The following MAS1 variants were observed in gnomAD, a reference collection of about 807,000 sequenced individuals.
MAS1 encodes proto-oncogene Mas.
For synonymous variants in MAS1, 163 were observed against 164.2 expected (o/e 0.99, Z 0.05); for missense variants, 387 against 409.7 (o/e 0.94, Z 0.48).
chr6:159,891,717 C>A (rs1782700965), intron 1 of MAS1, among the ~76,000 whole-genome samples: 1 of 152,194 alleles, frequency 6.6e-6, no homozygotes, highest in Admixed American at 6.5e-5. Context: ...TAAAAGGAAT[C>A]TCCTGCCCAG....
In MAS1 at chr6:159,906,777, T is replaced by G. The variant is rs1000176833; in HGVS notation, c.-36-143T>G. On this transcript the variant is annotated intron_variant, in intron 2 of 2. Coordinates refer to ENST00000674077, the MANE Select transcript of MAS1 (RefSeq NM_002377.4). ...GGTCCTAAAGGCCTAATCTTATCAT[T>G]GTGACAAAGATAACTGTAGAGTCTG... The G allele has an allele frequency of 1.6e-5, 10 of 638,512 alleles. No individual in the cohort carries two copies. In the East Asian group the frequency reaches 2.6e-4, roughly 16 times the overall value. 39.6% of individuals were successfully genotyped at this position (638,512 alleles called of 1,614,324 possible). A position where few individuals can be genotyped will look rare whatever the true frequency, so the allele number is the denominator to read the frequency against.
Position 159,910,216 on chromosome 6 carries a change from T to C in MAS1, c.*2283T>C, listed in dbSNP as rs1459612127. On this transcript the variant is annotated 3_prime_UTR_variant, in exon 3 of 3. Transcript: ENST00000674077. ...AACTGAACGGGAAGGGTTTGTAGCATTCCTACTACAAAGATTCATGCACAG... is the reference window on the plus strand; with the variant it reads ...AACTGAACGGGAAGGGTTTGTAGCACTCCTACTACAAAGATTCATGCACAG... 1 of 152,238 alleles carries C rather than the reference T, an allele frequency of 6.6e-6. No homozygotes were observed. The allele number at this position is 152,238 out of a possible 1,614,324, so 9.4% of individuals were successfully genotyped here. A position where few individuals can be genotyped will look rare whatever the true frequency, so the allele number is the denominator to read the frequency against.
upstream of MAS1, among the ~76,000 whole-genome samples, chr6:159,890,330 G>T (rs1403727745): frequency 6.6e-6 from 1 of 152,210 alleles, no homozygotes; most frequent in East Asian, 1.9e-4. Context: ...GACTGCACGG[G>T]TGAGAGTTGG....
At position 159,912,249 on chromosome 6, in the gene MAS1, G is replaced by T. The variant is rs186659944; in HGVS notation, c.*4316G>T. ...CTGCCTTCATGGAGTTGTTTAAGGAGCACTTAGAAGATGCTTTACGGGCAT... is the reference window on the plus strand; with the variant it reads ...CTGCCTTCATGGAGTTGTTTAAGGATCACTTAGAAGATGCTTTACGGGCAT... On this transcript the variant is annotated 3_prime_UTR_variant, in exon 3 of 3. Coordinates refer to ENST00000674077, the MANE Select transcript of MAS1 (RefSeq NM_002377.4). The T allele has an allele frequency of 1.3e-4, 20 of 152,346 alleles. No homozygotes were observed. Among genetic ancestry groups the T allele is most frequent in the African/African-American group, 4.6e-4 (19 of 41,572 alleles). 9.4% of individuals were successfully genotyped at this position (152,346 alleles called of 1,614,324 possible).
intron 2 of MAS1, among the ~76,000 whole-genome samples, chr6:159,905,935 A>G (rs1459653909): frequency 6.6e-6 from 1 of 152,070 alleles, no homozygotes; most frequent in Non-Finnish European, 1.5e-5. Context: ...CCAGCTACTC[A>G]GGAAGCTGAG....
In MAS1 at chr6:159,911,894, C is replaced by A. The variant is rs978218165; in HGVS notation, c.*3961C>A. 9 of 117,834 alleles carry A rather than the reference C, an allele frequency of 7.6e-5. No homozygotes were observed. Among genetic ancestry groups the A allele is most frequent in the African/African-American group, 3.5e-4 (9 of 25,868 alleles). The allele number at this position is 117,834 out of a possible 1,614,324, so 7.3% of individuals were successfully genotyped here. A position where few individuals can be genotyped will look rare whatever the true frequency, so the allele number is the denominator to read the frequency against. ...GGGAACTCACTATGCCCCTCCCTGG[C>A]TAAGGTGATACCCTGGCTAAGATGC... On this transcript the variant is annotated 3_prime_UTR_variant, in exon 3 of 3. Coordinates refer to ENST00000674077, the MANE Select transcript of MAS1 (RefSeq NM_002377.4).
Position 159,907,755 on chromosome 6 carries a change from T to A in MAS1, c.800T>A (p.Leu267His). Residue 267 changes from leucine to histidine, a missense_variant, in exon 3 of 3, where the codon CTC (leucine) becomes CAC (histidine). Transcript: ENST00000674077. The part of the protein sequence containing the change: ...TFGNLHHISL[L>H]FSTINSSANP... ...GGGAACCTACACCACATTTCCCTGC[T>A]CTTCTCCACAATCAACAGTAGCGCC... 6.2e-7 allele frequency: 1 copy of A among 1,613,786 alleles called. No individual in the cohort carries two copies. The highest frequency in any genetic ancestry group is 8.5e-7 in the Non-Finnish European group (1 of 1,179,968).
intron 1 of MAS1, among the ~76,000 whole-genome samples, chr6:159,895,332 G>T (rs1782743943): frequency 1.3e-5 from 2 of 152,218 alleles, no homozygotes; most frequent in Admixed American, 1.3e-4. Flanking sequence ...GGGGTGGTTT[G>T]CAGTATCTGC....
rs939586099 is a variant in MAS1 at position 159,908,445 on chromosome 6, A to G, written c.*512A>G. On this transcript the variant is annotated 3_prime_UTR_variant, in exon 3 of 3. Transcript: ENST00000674077. ...GCACCTGGCACATTGTGGATGTTCAACAAATATCAGTCTCTCCTCACTCCC... is the reference window on the plus strand; with the variant it reads ...GCACCTGGCACATTGTGGATGTTCAGCAAATATCAGTCTCTCCTCACTCCC... 5 of 152,308 alleles carry G rather than the reference A, an allele frequency of 3.3e-5. No homozygotes were observed. The highest frequency in any genetic ancestry group is 6.6e-5 in the Admixed American group (1 of 15,260). The allele number at this position is 152,308 out of a possible 1,614,324, so 9.4% of individuals were successfully genotyped here. A position where few individuals can be genotyped will look rare whatever the true frequency, so the allele number is the denominator to read the frequency against.
rs1192140376 is a variant in MAS1 at position 159,914,159 on chromosome 6, A to T, written c.*6226A>T. ...CTAGATTGTTTTCCAAATGTCATTT[A>T]GTTTTCTATCTGTACTTTTTGTGAT... On this transcript the variant is annotated 3_prime_UTR_variant, in exon 3 of 3. Transcript: ENST00000674077. 1 of 152,202 alleles carries T rather than the reference A, an allele frequency of 6.6e-6. No individual in the cohort carries two copies. The highest frequency in any genetic ancestry group is 1.5e-5 in the Non-Finnish European group (1 of 68,032). 9.4% of individuals were successfully genotyped at this position (152,202 alleles called of 1,614,324 possible).
rs1350587906 is a variant in MAS1 at position 159,917,384 on chromosome 6, C to G, written c.*9451C>G. Among the ~76,000 whole-genome samples the G allele has an allele frequency of 6.6e-6, 1 of 152,170 alleles. No individual in the cohort carries two copies. The highest frequency in any genetic ancestry group is 1.5e-5 in the Non-Finnish European group (1 of 68,028). Reference sequence around the variant, plus strand: ...GTTCACTTGTATCAAACTATATTCTCTGGATTCAGAGGGAATTATTGGAAC... The same window carrying G: ...GTTCACTTGTATCAAACTATATTCTGTGGATTCAGAGGGAATTATTGGAAC... On this transcript the variant is annotated 3_prime_UTR_variant, in exon 3 of 3. Transcript: ENST00000674077.
At chr6:159,904,654 C>A (rs917579270) in intron 2 of MAS1, among the ~76,000 whole-genome samples, 1 of 152,186 alleles carries the variant, frequency 6.6e-6, no homozygotes, top group Admixed American at 6.5e-5. Context: ...GGGGCCATAC[C>A]GAGGCTGTTC....
At position 159,909,701 on chromosome 6, in the gene MAS1, C is replaced by T. The variant is rs1583216282; in HGVS notation, c.*1768C>T. ...CTCTCCTGTGTGTGCTGTGTGCTGGCCTCTGGGGTAGGGAAAGGGGGCCAA... is the reference window on the plus strand; with the variant it reads ...CTCTCCTGTGTGTGCTGTGTGCTGGTCTCTGGGGTAGGGAAAGGGGGCCAA... On this transcript the variant is annotated 3_prime_UTR_variant, in exon 3 of 3. Transcript: ENST00000674077. 1 of 152,284 alleles carries T rather than the reference C, an allele frequency of 6.6e-6. No homozygotes were observed. 9.4% of individuals were successfully genotyped at this position (152,284 alleles called of 1,614,324 possible).
chr6:159,895,130 G>A (rs1419608934), intron 1 of MAS1, among the ~76,000 whole-genome samples: 4 of 152,202 alleles, frequency 2.6e-5, no homozygotes, highest in Non-Finnish European at 5.9e-5. Context: ...CCCCATGAAT[G>A]GGTGTGTGAA....
chr6:159,894,230 A>G (rs1388935057), intron 1 of MAS1, among the ~76,000 whole-genome samples: 2 of 152,084 alleles, frequency 1.3e-5, no homozygotes, highest in Admixed American at 1.3e-4. Flanking sequence ...CAGACTGGCC[A>G]ACACGGCAAA....
chr6:159,897,873 C>A (rs1782771300), intron 1 of MAS1, among the ~76,000 whole-genome samples: 2 of 152,044 alleles, frequency 1.3e-5, no homozygotes, highest in Non-Finnish European at 2.9e-5. Context: ...GGCAAAGTCA[C>A]AACTAGAAAT....
At chr6:159,903,018 T>C (rs1324447489) in intron 2 of MAS1, among the ~76,000 whole-genome samples, 1 of 152,152 alleles carries the variant, frequency 6.6e-6, no homozygotes, top group African/African-American at 2.4e-5. Flanking sequence ...AGTCACACTC[T>C]GCACTTAATA....
chr6:159,906,314 G>A (rs776693788), intron 2 of MAS1, among the ~76,000 whole-genome samples: 2 of 152,116 alleles, frequency 1.3e-5, no homozygotes, highest in South Asian at 2.1e-4. Context: ...CAGCTTTGTC[G>A]CAGATATTGA....
At chr6:159,892,612 C>A (rs1782712074) in intron 1 of MAS1, among the ~76,000 whole-genome samples, 1 of 152,080 alleles carries the variant, frequency 6.6e-6, no homozygotes, top group Admixed American at 6.5e-5. Flanking sequence ...AAATGTATGG[C>A]ATTTAGAACT....
Sources: gnomAD v4.1 joint callset for allele counts (sites outside exome capture counted in the v4.1 genomes callset) on GRCh38, gnomAD v4.1.1 for gene constraint, MANE v1.5 for transcripts, NCBI Gene and HGNC (gene_info 2026-07-23, HGNC 2026-07-21) for gene names.